Variants in OTUD6B observed in about 807,000 individuals in gnomAD.
The protein encoded by OTUD6B is deubiquitinase OTUD6B.
OTUD6B carries 41 observed loss-of-function variants against 36.9 expected under a neutral mutation model. The observed-to-expected ratio is 1.11, with a 90% CI of 0.87 to 1.44. The LOEUF (loss-of-function observed/expected upper bound fraction) is 1.44. Ranked by LOEUF, OTUD6B falls within the 40% of genes most tolerant of loss-of-function variation. OTUD6B has a pLI of 0.00. For synonymous variants in OTUD6B, 114 were observed against 114.2 expected (o/e 1.00, Z 0.01); for missense variants, 356 against 344.8 (o/e 1.03, Z -0.26).
At chr8:91,080,582 G>C (rs1414385184) in intron 4 of OTUD6B, 87 bp from the exon 5 acceptor site, 1 of 1,499,226 alleles carries the variant, frequency 6.7e-7, no homozygotes, top group African/African-American at 1.4e-5. Flanking sequence ...GGGCATTTTT[G>C]TCAGGAATTG....
At position 91,080,679 on chromosome 8, in the gene OTUD6B, G is replaced by T; in HGVS notation, c.639G>T (p.Gln213His). The change falls in exon 5 of 7, where the codon CAG (glutamine) becomes CAT (histidine). Residue 213 changes from glutamine to histidine, a missense_variant. Gln to His is a conservative substitution (Grantham distance 24, BLOSUM62 0). Transcript: ENST00000404789. ...ACCTAATCTCTACAGAAGAATTTCA[G>T]AAGTACTGTGAAGATATTGTAAACA... ...TGDMYTPEEFQKYCEDIVNTA... is the reference protein window; with the variant it reads ...TGDMYTPEEFHKYCEDIVNTA... 1 of 1,601,676 alleles carries T rather than the reference G, an allele frequency of 6.2e-7. No homozygotes were observed. The highest frequency in any genetic ancestry group is 2.2e-5 in the East Asian group (1 of 44,690).
chr8:91,079,413 G>A (rs1464793921), intron 4 of OTUD6B, among the ~76,000 whole-genome samples: 2 of 152,050 alleles, frequency 1.3e-5, no homozygotes, highest in East Asian at 3.9e-4. Flanking sequence ...CTCCATGGAG[G>A]AAAGGTAGAG....
At chr8:91,072,473 T>C (rs749554343) in intron 2 of OTUD6B, among the ~76,000 whole-genome samples, 31 of 152,340 alleles carry the variant, frequency 2.0e-4, no homozygotes, top group Non-Finnish European at 4.0e-4. Context: ...AAAGTTCTTA[T>C]GTCTATGTAA....
At chr8:91,076,310 A>G (rs1586205076) in intron 3 of OTUD6B, among the ~76,000 whole-genome samples, 1 of 152,036 alleles carries the variant, frequency 6.6e-6, no homozygotes, top group African/African-American at 2.4e-5. Flanking sequence ...TTCTATCTCC[A>G]CTACTATAGC....
chr8:91,079,864 C>T (rs754342149), intron 4 of OTUD6B, among the ~76,000 whole-genome samples: 5 of 151,976 alleles, frequency 3.3e-5, no homozygotes, highest in Non-Finnish European at 7.4e-5. Flanking sequence ...AATTGAAGGC[C>T]GCTGTGTGCC....
At chr8:91,070,665 C>A (rs543056659) in intron 1 of OTUD6B, among the ~76,000 whole-genome samples, 199 bp downstream of exon 1, 100 of 152,156 alleles carry the variant, frequency 6.6e-4, no homozygotes, top group African/African-American at 2.1e-3. Flanking sequence ...CCTTCTGAGG[C>A]CTGCGGCGTG....
chr8:91,075,255 T>C (rs1232097374), intron 3 of OTUD6B, among the ~76,000 whole-genome samples: 1 of 152,108 alleles, frequency 6.6e-6, no homozygotes, highest in African/African-American at 2.4e-5. Context: ...TTAGATCTCA[T>C]GGAATCTTGG....
chr8:91,073,195 G>A (rs1319767752), intron 2 of OTUD6B, among the ~76,000 whole-genome samples: 2 of 152,108 alleles, frequency 1.3e-5, no homozygotes, highest in African/African-American at 4.8e-5. Context: ...GCTTACCTTA[G>A]AGTTGCAGTA....
chr8:91,071,657 T>G (rs566288047), intron 2 of OTUD6B, among the ~76,000 whole-genome samples: 1 of 152,314 alleles, frequency 6.6e-6, no homozygotes, highest in Non-Finnish European at 1.5e-5. Context: ...CCTGTTAAAC[T>G]GTTTATTATC....
chr8:91,078,382 G>A lies in OTUD6B; in HGVS notation c.342G>A (p.Glu114=). The A allele has an allele frequency of 6.3e-7, 1 of 1,585,536 alleles. No individual in the cohort carries two copies. The highest frequency in any genetic ancestry group is 8.6e-7 in the Non-Finnish European group (1 of 1,164,988). ...AAAAGAAAGCTGCATTGGAAAAGGA[G>A]CGAGAAGAACGGATAGCTGAAGCTG... ...RREKKAALEK[E]REERIAEAEI... is the part of the protein sequence containing the mutation. Residue 114 remains glutamate, a synonymous_variant, in exon 4 of 7, where the codon GAG becomes GAA. Coordinates refer to ENST00000404789, the MANE Select transcript of OTUD6B (RefSeq NM_016023.5).
chr8:91,073,789 T>C (rs1352460079), intron 2 of OTUD6B, 42 bp from the exon 3 acceptor site: 15 of 1,499,034 alleles, frequency 1.0e-5, no homozygotes, highest in Non-Finnish European at 1.3e-5. Context: ...TTCAGTAATT[T>C]AATAAGTACA....
intron 2 of OTUD6B, among the ~76,000 whole-genome samples, chr8:91,073,407 C>T (rs1269135047): frequency 6.6e-6 from 1 of 152,138 alleles, no homozygotes; most frequent in African/African-American, 2.4e-5. Context: ...AGGATTAGTA[C>T]TCATCAGGTT....
chr8:91,078,198 T>A (rs1812836033), intron 3 of OTUD6B, 158 bp from the exon 4 acceptor site: 1 of 962,104 alleles, frequency 1.0e-6, no homozygotes. Context: ...GAGCTCACCT[T>A]GTAGAAAATT....
At chr8:91,071,783 G>T (rs748196637) in intron 2 of OTUD6B, among the ~76,000 whole-genome samples, 2 of 152,280 alleles carry the variant, frequency 1.3e-5, no homozygotes, top group South Asian at 4.1e-4. Flanking sequence ...AGGGAGATCG[G>T]CAAAGAAAGT....
At position 91,070,465 on chromosome 8, in the gene OTUD6B, A is replaced by T. The variant is rs1431292062; in HGVS notation, c.81A>T (p.Gln27His). 6.4e-7 allele frequency: 1 copy of T among 1,563,972 alleles called. No individual in the cohort carries two copies. The highest frequency in any genetic ancestry group is 8.7e-7 in the Non-Finnish European group (1 of 1,154,124). Residue 27 changes from glutamine to histidine, a missense_variant and splice_region_variant, in exon 1 of 7, where the codon CAA becomes CAT. Physicochemically the swap from Gln to His is conservative, Grantham distance 24 (BLOSUM62 0). Coordinates refer to ENST00000404789, the MANE Select transcript of OTUD6B (RefSeq NM_016023.5). ...ATCGCAAAGAGAAGAAGGAGTTGCAAGGTGAGGCGGAAGGAAGTGGGAATC... is the reference window on the plus strand; with the variant it reads ...ATCGCAAAGAGAAGAAGGAGTTGCATGGTGAGGCGGAAGGAAGTGGGAATC... Reference protein sequence around the residue: ...RRHRKEKKELQAKIQGMKNAV... With the variant: ...RRHRKEKKELHAKIQGMKNAV...
At chr8:91,077,838 T>A (rs1421074990) in intron 3 of OTUD6B, among the ~76,000 whole-genome samples, 1 of 151,550 alleles carries the variant, frequency 6.6e-6, no homozygotes, top group Non-Finnish European at 1.5e-5. Context: ...TCTTATATTT[T>A]AATTTTTTTT....
At position 91,078,628 on chromosome 8, in the gene OTUD6B, AT is replaced by A; in HGVS notation, c.593del (p.Leu198Ter). On this transcript the variant is annotated frameshift_variant, in exon 4 of 7. Transcript: ENST00000404789. LOFTEE classifies it high-confidence loss of function. ...MQSHVEDFLP[F>X]LTNPNTGDMY... ...AAAGCCATGTGGAAGACTTTCTGCC[AT>A]TTTTAACAAACCCTAATACAGGAGA... 1 of 1,593,900 alleles carries A rather than the reference AT, an allele frequency of 6.3e-7. No homozygotes were observed. Among genetic ancestry groups the A allele is most frequent in the Non-Finnish European group, 8.6e-7 (1 of 1,168,978 alleles).
chr8:91,077,636 C>T (rs966721969), intron 3 of OTUD6B, among the ~76,000 whole-genome samples: 1 of 151,936 alleles, frequency 6.6e-6, no homozygotes, highest in African/African-American at 2.4e-5. Flanking sequence ...AGGAGCTTAT[C>T]AGACATTTGC....
Position 91,084,946 on chromosome 8 carries a change from A to C in OTUD6B, c.*78A>C. 4 of 625,936 alleles carry C rather than the reference A, an allele frequency of 6.4e-6. No individual in the cohort carries two copies. The highest frequency in any genetic ancestry group is 1.9e-5 in the African/African-American group (1 of 51,988). 38.8% of individuals were successfully genotyped at this position (625,936 alleles called of 1,614,324 possible). On this transcript the variant is annotated 3_prime_UTR_variant, in exon 7 of 7. Coordinates refer to ENST00000404789, the MANE Select transcript of OTUD6B (RefSeq NM_016023.5). ...TTCTACCAAGTGTTGGGTTGTTCTAAATGCTACTGAAAAACACAACTACCT... is the reference window on the plus strand; with the variant it reads ...TTCTACCAAGTGTTGGGTTGTTCTACATGCTACTGAAAAACACAACTACCT...
Sources: gnomAD v4.1 joint callset for allele counts (sites outside exome capture counted in the v4.1 genomes callset) on GRCh38, gnomAD v4.1.1 for gene constraint, MANE v1.5 for transcripts, NCBI Gene and HGNC (gene_info 2026-07-23, HGNC 2026-07-21) for gene names.